The following TRIM17 variants were observed in gnomAD, a reference collection of about 807,000 sequenced individuals.
The protein encoded by TRIM17 is E3 ubiquitin-protein ligase TRIM17.
In TRIM17, 27 loss-of-function variants were observed where a neutral mutation model predicts 35.8. That is an observed-to-expected ratio of 0.75 (90% CI 0.56 to 1.04). The LOEUF (loss-of-function observed/expected upper bound fraction) is 1.04. TRIM17 is among the 50% of genes least tolerant of loss of function. The pLI is 0.00. For missense variants in TRIM17, 582 were observed against 612.8 expected, an observed-to-expected ratio of 0.95 and a Z score of 0.53; for synonymous variants, 246 against 252.6, an observed-to-expected ratio of 0.97 and a Z score of 0.25.
In TRIM17 at chr1:228,411,797, TA is replaced by T. The variant is rs998412972; in HGVS notation, c.526-622del. 1.7e-4 allele frequency among the ~76,000 whole-genome samples: 26 copies of T among 152,166 alleles called. No homozygotes were observed. The highest frequency in any genetic ancestry group is 4.4e-5 in the Non-Finnish European group (3 of 68,034). On this transcript the variant is annotated intron_variant, in intron 3 of 6. Coordinates refer to ENST00000366698, the MANE Select transcript of TRIM17 (RefSeq NM_016102.4). This position sits in a 1 kb window ranked among gnomAD's most constrained non-coding sequence, Gnocchi z 4.2. ...ATGTGTCACCACCACCATGCCCAGC[TA>T]ATTTTTAATTTTTTTGTAGAGACAG...
At chr1:228,413,068 G>A (rs566226947) in intron 3 of TRIM17, among the ~76,000 whole-genome samples, 4 of 151,934 alleles carry the variant, frequency 2.6e-5, no homozygotes, top group Admixed American at 1.3e-4. Flanking sequence ...AAAGTTAGTC[G>A]GGCATGGTGG....
rs577153012 is a variant in TRIM17, at chr1:228,412,731, C to T, written c.525+1066G>A. On this transcript the variant is annotated intron_variant, in intron 3 of 6. Transcript: ENST00000366698. ...GCTGCAGTGAGCTATGATTGCATCA[C>T]TGTGCTCCAGCCTGGGCCACAGAGC... Among the ~76,000 whole-genome samples the T allele has an allele frequency of 2.0e-5, 3 of 151,152 alleles. No homozygotes were observed. In the South Asian group the frequency reaches 6.4e-4, roughly 32 times the overall value.
chr1:228,416,414 G>A (rs1657129318), intron 1 of TRIM17, 125 bp downstream of exon 1: 1 of 986,894 alleles, frequency 1.0e-6, no homozygotes, highest in Non-Finnish European at 1.2e-6. Context: ...GCCCCTCCAG[G>A]GACGCGGCGG....
Position 228,414,754 on chromosome 1 carries a change from T to C in TRIM17, c.319A>G (p.Lys107Glu), listed in dbSNP as rs1656989223. ...DLCQEHHEPL[K>E]LFCQKDQSPI... is the part of the protein sequence containing the mutation. ...CTCTGGTCCTTCTGGCAGAAAAGCT[T>C]GAGGGGCTCGTGGTGCTCCTGGCAC... Residue 107 changes from lysine to glutamate, a missense_variant, in exon 2 of 7, where the codon AAG (lysine) becomes GAG (glutamate). Lys to Glu is a moderately conservative substitution (Grantham distance 56). Coordinates refer to ENST00000366698, the MANE Select transcript of TRIM17 (RefSeq NM_016102.4). 2 of 1,612,794 alleles carry C rather than the reference T, an allele frequency of 1.2e-6. No homozygotes were observed. The highest frequency in any genetic ancestry group is 1.7e-6 in the Non-Finnish European group (2 of 1,180,050).
chr1:228,409,509 A>G, intron 4 of TRIM17, 98 bp from the exon 5 acceptor site: 1 of 1,245,850 alleles, frequency 8.0e-7, no homozygotes, highest in South Asian at 1.6e-5. Flanking sequence ...GGCAAGACCC[A>G]TCCTGTCCCC....
chr1:228,408,734 C>T lies in TRIM17; in HGVS notation c.901G>A (p.Ala301Thr), dbSNP rs1432032531. The change falls in exon 7 of 7, where the codon GCC becomes ACC. Residue 301 changes from alanine (A) to threonine (T), a missense_variant. Ala to Thr is a moderately conservative substitution (Grantham distance 58). Coordinates refer to ENST00000366698, the MANE Select transcript of TRIM17 (RefSeq NM_016102.4). This position sits in a 1 kb window ranked among gnomAD's most constrained non-coding sequence, Gnocchi z 6.3. ...RGFLEDVVPD[A>T]TSAYPYLLLY... ...AGGAGGTAGGGGTACGCGGAGGTGG[C>T]ATCAGGCACCACATCCTCTGTAGAT... 1 of 1,601,340 alleles carries T rather than the reference C, an allele frequency of 6.2e-7. No individual in the cohort carries two copies. The highest frequency in any genetic ancestry group is 8.5e-7 in the Non-Finnish European group (1 of 1,179,674).
Position 228,415,060 on chromosome 1 carries a change from C to T in TRIM17, c.13G>A (p.Glu5Lys). 1.2e-6 allele frequency: 2 copies of T among 1,602,808 alleles called. No homozygotes were observed. The highest frequency in any genetic ancestry group is 1.3e-5 in the African/African-American group (1 of 74,872). Residue 5 changes from glutamate to lysine, a missense_variant, in exon 2 of 7, where the codon GAA (glutamate) becomes AAA (lysine). Glu to Lys is a moderately conservative substitution (Grantham distance 56). Coordinates refer to ENST00000366698, the MANE Select transcript of TRIM17 (RefSeq NM_016102.4). ...TCCTCCTGCAGTTTTCTGGCGAGTT[C>T]CACAGCCTCCATGGCTCCTGGGAGA... The part of the protein sequence containing the change: MEAV[E>K]LARKLQEEAT...
At position 228,411,523 on chromosome 1, in the gene TRIM17, G is replaced by A. The variant is rs1656787845; in HGVS notation, c.526-347C>T. 6.6e-6 allele frequency among the ~76,000 whole-genome samples: 1 copy of A among 152,236 alleles called. No homozygotes were observed. The highest frequency in any genetic ancestry group is 6.5e-5 in the Admixed American group (1 of 15,276). On this transcript the variant is annotated intron_variant, in intron 3 of 6. Coordinates refer to ENST00000366698, the MANE Select transcript of TRIM17 (RefSeq NM_016102.4). This position sits in a 1 kb window ranked among gnomAD's most constrained non-coding sequence, Gnocchi z 4.2. The stretch of plus-strand genomic sequence containing the variant: ...TTTGTTTGAGACAGGGTCTCGCTCA[G>A]TTGCCCAGGCTGGAATGCAGTGGCA...
rs1380809111 is a variant in TRIM17 at position 228,410,970 on chromosome 1, T to C, written c.732A>G (p.Thr244=). The C allele has an allele frequency of 6.9e-6, 11 of 1,591,678 alleles. No homozygotes were observed. The East Asian group carries it at 9.0e-5, about 13-fold the overall frequency. The change falls in exon 4 of 7, where the codon ACA becomes ACG. Residue 244 remains threonine, a synonymous_variant. Coordinates refer to ENST00000366698, the MANE Select transcript of TRIM17 (RefSeq NM_016102.4). The surrounding 1 kb of genome is among the most constrained non-coding windows in gnomAD (Gnocchi z 4.6). ...CCTGCAGCATCTGGAGGGGCCCCTG[T>C]GTGCTCCGCTCCTCCAGCTGCAGCA... ...LLLLQLEERS[T]QGPLQMLQDM...
Position 228,408,522 on chromosome 1 carries a change from C to T in TRIM17, c.1113G>A (p.Arg371=). The change falls in exon 7 of 7, where the codon AGG becomes AGA. Residue 371 remains arginine (R), a synonymous_variant. Transcript: ENST00000366698. The surrounding 1 kb of genome is among the most constrained non-coding windows in gnomAD (Gnocchi z 6.3). ...CCCTGTCTTTCCGGCTCACGTTGTC[C>T]CTGCACACACCCAGGGCCCACAACG... ...GDALWALGVC[R]DNVSRKDRVP... The T allele has an allele frequency of 6.2e-7, 1 of 1,614,132 alleles. No homozygotes were observed. The highest frequency in any genetic ancestry group is 8.5e-7 in the Non-Finnish European group (1 of 1,180,016).
Position 228,415,073 on chromosome 1 carries a change from G to T in TRIM17, c.-1C>A. The stretch of plus-strand genomic sequence containing the variant: ...TTCTGGCGAGTTCCACAGCCTCCAT[G>T]GCTCCTGGGAGACACGAGGCAGGTT... On this transcript the variant is annotated 5_prime_UTR_variant, in exon 2 of 7. Coordinates refer to ENST00000366698, the MANE Select transcript of TRIM17 (RefSeq NM_016102.4). 1 of 1,598,650 alleles carries T rather than the reference G, an allele frequency of 6.3e-7. No individual in the cohort carries two copies. The highest frequency in any genetic ancestry group is 8.6e-7 in the Non-Finnish European group (1 of 1,169,446).
rs1657154163 is a variant in TRIM17 at position 228,416,636 on chromosome 1, G to C, written c.-139C>G. Reference sequence around the variant, plus strand: ...GCCCCCACGAAGCCCAGGAGGCTGCGGCCCGGCCCGGGGCGTGGGGACCTG... The same window carrying C: ...GCCCCCACGAAGCCCAGGAGGCTGCCGCCCGGCCCGGGGCGTGGGGACCTG... On this transcript the variant is annotated 5_prime_UTR_variant, in exon 1 of 7. Transcript: ENST00000366698. 1.0e-6 allele frequency: 1 copy of C among 985,302 alleles called. No homozygotes were observed. Among genetic ancestry groups the C allele is most frequent in the Non-Finnish European group, 1.2e-6 (1 of 830,006 alleles). The allele number at this position is 985,302 out of a possible 1,614,324, so 61.0% of individuals were successfully genotyped here. A position where few individuals can be genotyped will look rare whatever the true frequency, so the allele number is the denominator to read the frequency against.
At chr1:228,413,196 A>C (rs368675104) in intron 3 of TRIM17, among the ~76,000 whole-genome samples, 4 of 142,800 alleles carry the variant, frequency 2.8e-5, no homozygotes, top group Non-Finnish European at 6.0e-5. Context: ...GGGCAACAAG[A>C]GTGAAACTCC....
intron 1 of TRIM17, chr1:228,415,344 G>A: frequency 2.5e-6 from 1 of 405,950 alleles, no homozygotes; most frequent in Non-Finnish European, 4.4e-6. Context: ...CACTGGGCCT[G>A]GACCCTACCC....
chr1:228,413,753 T>TGGAGCAGCAGCA, intron 3 of TRIM17, 44 bp downstream of exon 3: 1 of 1,499,958 alleles, frequency 6.7e-7, no homozygotes, highest in Non-Finnish European at 9.3e-7. Context: ...TGCAGGAAGA[T>TGGAGCAGCAGCA]GGAGCAGCAG....
In TRIM17 at chr1:228,415,021, T is replaced by C; in HGVS notation, c.52A>G (p.Ile18Val). ...RKLQEEATCS[I>V]CLDYFTDPVM... is the part of the protein sequence containing the mutation. ...GGGTCTGTGAAGTAATCCAGACAGA[T>C]GGAGCACGTAGCTTCCTCCTGCAGT... The change falls in exon 2 of 7, where the codon ATC becomes GTC. Residue 18 changes from isoleucine to valine, a missense_variant. Ile to Val is a conservative substitution (Grantham distance 29). Transcript: ENST00000366698. 1.2e-6 allele frequency: 2 copies of C among 1,611,544 alleles called. No individual in the cohort carries two copies. The highest frequency in any genetic ancestry group is 1.7e-6 in the Non-Finnish European group (2 of 1,178,708).
rs1657146216 is a variant in TRIM17, at chr1:228,416,573, A to C, written c.-76T>G. 10 of 985,400 alleles carry C rather than the reference A, an allele frequency of 1.0e-5. No individual in the cohort carries two copies. The highest frequency in any genetic ancestry group is 1.2e-5 in the Non-Finnish European group (10 of 830,184). 61.0% of individuals were successfully genotyped at this position (985,400 alleles called of 1,614,324 possible). The stretch of plus-strand genomic sequence containing the variant: ...GGGGGGCCCGCACAGCGCCTAGTGC[A>C]CCTGGCCGAGCGCTCGCTGCCGGGA... On this transcript the variant is annotated 5_prime_UTR_variant, in exon 1 of 7. Coordinates refer to ENST00000366698, the MANE Select transcript of TRIM17 (RefSeq NM_016102.4).
In TRIM17 at chr1:228,414,674, C is replaced by T. The variant is rs774950224; in HGVS notation, c.399G>A (p.Leu133=). The part of the protein sequence containing the change: ...ESREHRLHRV[L]PAEEAVQGYK... Reference sequence around the variant, plus strand: ...ACCCCTGCACTGCCTCCTCGGCGGGCAGCACCCTGTGCAGCCGGTGCTCCC... The same window carrying T: ...ACCCCTGCACTGCCTCCTCGGCGGGTAGCACCCTGTGCAGCCGGTGCTCCC... The change falls in exon 2 of 7, where the codon CTG becomes CTA. Residue 133 remains leucine (L), a synonymous_variant. Coordinates refer to ENST00000366698, the MANE Select transcript of TRIM17 (RefSeq NM_016102.4). 1.4e-5 allele frequency: 23 copies of T among 1,611,580 alleles called. No homozygotes were observed. Among genetic ancestry groups the T allele is most frequent in the Middle Eastern group, 2.2e-4 (1 of 4,532 alleles).
Position 228,416,722 on chromosome 1 carries a change from G to GGGGGCGGGC in TRIM17, c.-226_-225insGCCCGCCCC. 1 of 568,114 alleles carries GGGGGCGGGC rather than the reference G, an allele frequency of 1.8e-6. No individual in the cohort carries two copies. Among genetic ancestry groups the GGGGGCGGGC allele is most frequent in the Non-Finnish European group, 2.2e-6 (1 of 453,600 alleles). The allele number at this position is 568,114 out of a possible 1,614,324, so 35.2% of individuals were successfully genotyped here. ...GGGGCTGGGGGGCGGCGGGGGAGGG[G>GGGGGCGGGC]AATGCTGGGCGAGGGAGTGTTCGGC... On this transcript the variant is annotated 5_prime_UTR_variant, in exon 1 of 7. Coordinates refer to ENST00000366698, the MANE Select transcript of TRIM17 (RefSeq NM_016102.4).
Sources: gnomAD v4.1 joint callset for allele counts (sites outside exome capture counted in the v4.1 genomes callset) on GRCh38, gnomAD v4.1.1 for gene constraint, Gnocchi (gnomAD v3.1) non-coding constraint, MANE v1.5 for transcripts, NCBI Gene and HGNC (gene_info 2026-07-23, HGNC 2026-07-21) for gene names.